SSH2: variants seen among roughly 807,000 people sequenced by gnomAD.
SSH2 encodes protein phosphatase Slingshot homolog 2.
SSH2 carries 37 observed loss-of-function variants against 135.2 expected under a neutral mutation model. The observed-to-expected ratio is 0.27, with a 90% CI of 0.21 to 0.36. The LOEUF (loss-of-function observed/expected upper bound fraction) is 0.36. Among genes scored for constraint, SSH2 ranks in the 10% least tolerant of loss-of-function variants. The pLI is 1.00. For missense variants in SSH2, 1,408 were observed against 1,765.3 expected (o/e 0.80, Z 3.63); for synonymous variants, 628 against 646.2 (o/e 0.97, Z 0.43).
At chr17:29,879,467 C>T (rs2066097705) in intron 1 of SSH2, among the ~76,000 whole-genome samples, 1 of 151,564 alleles carries the variant, frequency 6.6e-6, no homozygotes, top group Non-Finnish European at 1.5e-5. Context: ...CCTATATATC[C>T]CCTGCCTCCA....
At chr17:29,887,084 G>C (rs773251859) in intron 1 of SSH2, among the ~76,000 whole-genome samples, 1 of 152,212 alleles carries the variant, frequency 6.6e-6, no homozygotes, top group South Asian at 2.1e-4. Context: ...CTCTCCTATC[G>C]AGCCAATGTA....
rs1235630480 is a variant in SSH2, at chr17:29,632,257, G to A, written c.2937C>T (p.Ala979=). 3 of 1,613,998 alleles carry A rather than the reference G, an allele frequency of 1.9e-6. No individual in the cohort carries two copies. The African/African-American group carries it at 4.0e-5, about 22-fold the overall frequency. The part of the protein sequence containing the change: ...AGSLSHSEQN[A]TVPAPRVLEF... ...CCAGCACCCTGGGAGCTGGAACAGTGGCATTCTGCTCAGAATGGGACAGTG... is the reference window on the plus strand; with the variant it reads ...CCAGCACCCTGGGAGCTGGAACAGTAGCATTCTGCTCAGAATGGGACAGTG... Residue 979 remains alanine, a synonymous_variant, in exon 16 of 16, where the codon GCC becomes GCT. Coordinates refer to ENST00000540801, the MANE Select transcript of SSH2 (RefSeq NM_001282129.2).
At chr17:29,864,628 T>C (rs1410120089) in intron 1 of SSH2, among the ~76,000 whole-genome samples, 1 of 143,854 alleles carries the variant, frequency 7.0e-6, no homozygotes, top group East Asian at 2.1e-4. Flanking sequence ...CACACAGAGA[T>C]AATCTGAATA....
intron 3 of SSH2, among the ~76,000 whole-genome samples, chr17:29,757,517 T>C (rs2041164282): frequency 6.6e-6 from 1 of 152,212 alleles, no homozygotes; most frequent in East Asian, 1.9e-4. Context: ...GCACTATAAA[T>C]GCTAAATAAA....
intron 3 of SSH2, among the ~76,000 whole-genome samples, chr17:29,762,337 A>G (rs2041343724): frequency 6.6e-6 from 1 of 152,154 alleles, no homozygotes; most frequent in Non-Finnish European, 1.5e-5. Flanking sequence ...GCACATAGGA[A>G]TTACTTGTGG....
intron 1 of SSH2, among the ~76,000 whole-genome samples, chr17:29,919,024 G>C (rs2066929665): frequency 6.6e-6 from 1 of 151,718 alleles, no homozygotes; most frequent in East Asian, 1.9e-4. Flanking sequence ...ACTCTTCAAG[G>C]CTCAAGTTAT....
At chr17:29,662,382 G>C (rs1458296445) in intron 11 of SSH2, among the ~76,000 whole-genome samples, 7 of 152,128 alleles carry the variant, frequency 4.6e-5, no homozygotes, top group Non-Finnish European at 1.0e-4. Context: ...TCCAAGGACT[G>C]GTATCTCTGT....
At chr17:29,760,849 A>AAACAG (rs2041268479) in intron 3 of SSH2, among the ~76,000 whole-genome samples, 1 of 151,988 alleles carries the variant, frequency 6.6e-6, no homozygotes, top group Admixed American at 6.6e-5. Flanking sequence ...CTCAGCTGTC[A>AAACAG]CTCGGTCACC....
At chr17:29,829,895 A>C (rs1183603072) in intron 2 of SSH2, among the ~76,000 whole-genome samples, 1 of 144,700 alleles carries the variant, frequency 6.9e-6, no homozygotes, top group Non-Finnish European at 1.5e-5. Flanking sequence ...GCTGGAGTGC[A>C]GTGGTGCAAT....
intron 3 of SSH2, among the ~76,000 whole-genome samples, chr17:29,772,212 C>T (rs1228226213): frequency 6.6e-6 from 1 of 151,204 alleles, no homozygotes; most frequent in Non-Finnish European, 1.5e-5. Flanking sequence ...TGAGGGCTAC[C>T]ATAGTGTGAG....
At chr17:29,793,443 G>A (rs968248947) in intron 3 of SSH2, among the ~76,000 whole-genome samples, 1 of 152,142 alleles carries the variant, frequency 6.6e-6, no homozygotes, top group African/African-American at 2.4e-5. Flanking sequence ...ACTGAAGGCT[G>A]AAATGTTCTT....
At chr17:29,696,156 T>C (rs1221267326) in intron 4 of SSH2, among the ~76,000 whole-genome samples, 1 of 140,250 alleles carries the variant, frequency 7.1e-6, no homozygotes, top group Non-Finnish European at 1.5e-5. Context: ...GATATTATAA[T>C]GAGAGTATGT....
intron 6 of SSH2, among the ~76,000 whole-genome samples, chr17:29,679,921 T>C (rs1434160305): frequency 1.3e-5 from 2 of 152,212 alleles, no homozygotes; most frequent in African/African-American, 4.8e-5. Flanking sequence ...CCTTCAGTAT[T>C]ACAACTTTTT....
intron 15 of SSH2, among the ~76,000 whole-genome samples, chr17:29,634,543 G>GATTATT (rs138491296): frequency 8.6e-5 from 13 of 151,138 alleles, no homozygotes; most frequent in Admixed American, 3.3e-4. Flanking sequence ...ATTTCCTTTT[G>GATTATT]ATTATTATTA....
At chr17:29,711,270 G>C (rs2039423730) in intron 3 of SSH2, among the ~76,000 whole-genome samples, 1 of 152,160 alleles carries the variant, frequency 6.6e-6, no homozygotes, top group Non-Finnish European at 1.5e-5. Flanking sequence ...TAAAACTGAA[G>C]GGGGGAAAAA....
At chr17:29,832,645 T>G (rs577290392) in intron 2 of SSH2, among the ~76,000 whole-genome samples, 1 of 152,266 alleles carries the variant, frequency 6.6e-6, no homozygotes, top group East Asian at 1.9e-4. Context: ...AGAAGATACT[T>G]GATTTCAATT....
chr17:29,688,749 A>C (rs921624988), intron 5 of SSH2, among the ~76,000 whole-genome samples: 1 of 152,226 alleles, frequency 6.6e-6, no homozygotes, highest in Non-Finnish European at 1.5e-5. Context: ...ACAGGCCTCT[A>C]GACAGTACCT....
In SSH2 at chr17:29,695,447, C is replaced by G. The variant is rs984553903; in HGVS notation, c.357+12G>C. On this transcript the variant is annotated intron_variant, in intron 5 of 15. Transcript: ENST00000540801. ...TTTGAGGAAGAAAATTATGATGACA[C>G]CACTAACTTACCAGCCTGATGTTGT... is the stretch of plus-strand genomic sequence containing the variant. 4 of 1,607,294 alleles carry G rather than the reference C, an allele frequency of 2.5e-6. No individual in the cohort carries two copies. The highest frequency in any genetic ancestry group is 3.4e-6 in the Non-Finnish European group (4 of 1,177,066).
chr17:29,779,855 A>T (rs2041801933), intron 3 of SSH2, among the ~76,000 whole-genome samples: 1 of 144,388 alleles, frequency 6.9e-6, no homozygotes, highest in Non-Finnish European at 1.5e-5. Flanking sequence ...AACAGCTTCA[A>T]TGTGATCAGT....
Sources: allele counts gnomAD v4.1 joint callset (sites outside exome capture counted in the v4.1 genomes callset), GRCh38; gene constraint gnomAD v4.1.1; transcripts MANE v1.5; gene names NCBI Gene and HGNC (gene_info 2026-07-23, HGNC 2026-07-21).